Variants in PNLIPRP3 observed in about 807,000 individuals in gnomAD.
The protein encoded by PNLIPRP3 is pancreatic lipase related protein 3, also known as pancreatic lipase-related protein 3.
In PNLIPRP3, 58 loss-of-function variants were observed where a neutral mutation model predicts 52.8. That is an observed-to-expected ratio of 1.10 (90% CI 0.89 to 1.37). The LOEUF (loss-of-function observed/expected upper bound fraction) is 1.37, where lower values mean the gene tolerates loss of function less well. Among genes scored for constraint, PNLIPRP3 ranks in the 40% most tolerant of loss-of-function variants. The probability of loss-of-function intolerance (pLI) is 0.00; values close to 1 mark genes in which losing one functional copy is unlikely to be tolerated. For missense variants in PNLIPRP3, 593 were observed against 561.6 expected (o/e 1.06, Z -0.57); for synonymous variants, 192 against 185.0 (o/e 1.04, Z -0.31).
chr10:116,471,917 G>A, intron 10 of PNLIPRP3, 38 bp downstream of exon 10: 1 of 1,328,950 alleles, frequency 7.5e-7, no homozygotes, highest in Non-Finnish European at 1.1e-6. Context: ...GCACAGTGCT[G>A]GGGGCTCAGT....
At chr10:116,447,749 A>T (rs984313322) in intron 4 of PNLIPRP3, among the ~76,000 whole-genome samples, 5 of 152,202 alleles carry the variant, frequency 3.3e-5, no homozygotes, top group Non-Finnish European at 5.9e-5. Context: ...CAACCTGGTC[A>T]GCATGGTGAA....
chr10:116,433,114 C>A (rs541267418), intron 1 of PNLIPRP3, among the ~76,000 whole-genome samples: 4 of 8,494 alleles, frequency 4.7e-4, no homozygotes, highest in East Asian at 4.6e-3. Flanking sequence ...AACTCCATCT[C>A]AAAAAAAAAA....
chr10:116,454,325 G>T (rs569890917), intron 4 of PNLIPRP3, among the ~76,000 whole-genome samples: 1 of 152,052 alleles, frequency 6.6e-6, no homozygotes, highest in South Asian at 2.1e-4. Context: ...TCACTATGTT[G>T]GTCAGGCTGG....
intron 4 of PNLIPRP3, among the ~76,000 whole-genome samples, chr10:116,445,097 T>A (rs1845924633): frequency 6.6e-6 from 1 of 152,234 alleles, no homozygotes; most frequent in Non-Finnish European, 1.5e-5. Context: ...AGATGCATAA[T>A]CCTTTCAGAT....
intron 2 of PNLIPRP3, among the ~76,000 whole-genome samples, chr10:116,437,744 T>C (rs1444055427): frequency 6.6e-6 from 1 of 152,022 alleles, no homozygotes; most frequent in Non-Finnish European, 1.5e-5. Flanking sequence ...TCCAACATAG[T>C]AGCCACTAGC....
At position 116,436,805 on chromosome 10, in the gene PNLIPRP3, TC is replaced by T. The variant is rs1384151863; in HGVS notation, c.146del (p.Pro49GlnfsTer4). ...STELVGLPWSPEKINTRFLLY... is the reference protein window; with the variant it reads ...STELVGLPWSXEKINTRFLLY... ...CAGAGTTGGTAGGTTTACCCTGGTC[TC>T]CAGAGAAGATAAACACTCGTTTCCT... On this transcript the variant is annotated frameshift_variant, in exon 2 of 12. Transcript: ENST00000369230. LOFTEE classifies it high-confidence loss of function. The T allele has an allele frequency of 1.2e-6, 2 of 1,613,790 alleles. No homozygotes were observed. The highest frequency in any genetic ancestry group is 1.1e-5 in the South Asian group (1 of 91,028).
chr10:116,471,746 C>T (rs749703197), intron 9 of PNLIPRP3, 22 bp from the exon 10 acceptor site: 12 of 1,536,534 alleles, frequency 7.8e-6, no homozygotes, highest in South Asian at 1.1e-5. Context: ...TCTCCCTTTC[C>T]TTCTTGTTTC....
At chr10:116,464,954 T>G (rs1486142092) in intron 7 of PNLIPRP3, among the ~76,000 whole-genome samples, 2 of 152,170 alleles carry the variant, frequency 1.3e-5, no homozygotes, top group African/African-American at 2.4e-5. Flanking sequence ...AGCAGCTCCT[T>G]TGGCACCTGC....
intron 1 of PNLIPRP3, among the ~76,000 whole-genome samples, chr10:116,429,345 C>T (rs1321534329): frequency 1.3e-5 from 2 of 152,150 alleles, no homozygotes; most frequent in Admixed American, 6.6e-5. Context: ...ATCTGAAACA[C>T]TTCTGGTCCC....
intron 2 of PNLIPRP3, among the ~76,000 whole-genome samples, chr10:116,438,818 T>C (rs1564693501): frequency 6.6e-6 from 1 of 152,198 alleles, no homozygotes; most frequent in Non-Finnish European, 1.5e-5. Context: ...GTTCTTACTA[T>C]GGGTATAGAG....
At position 116,477,223 on chromosome 10, in the gene PNLIPRP3, T is replaced by C. The variant is rs905349687; in HGVS notation, c.*70T>C. The C allele has an allele frequency of 3.0e-6, 4 of 1,316,326 alleles. No individual in the cohort carries two copies. In the African/African-American group the frequency reaches 5.9e-5, roughly 19 times the overall value. The allele number at this position is 1,316,326 out of a possible 1,614,324, so 81.5% of individuals were successfully genotyped here. A position where few individuals can be genotyped will look rare whatever the true frequency, so the allele number is the denominator to read the frequency against. ...GAAAAGTGTCTCCTTCCACCTGGCA[T>C]CCAGACCAAATTTGACCCTTGTAAA... is the stretch of plus-strand genomic sequence containing the variant. On this transcript the variant is annotated 3_prime_UTR_variant, in exon 12 of 12. Transcript: ENST00000369230.
chr10:116,471,764 C>T lies in PNLIPRP3; in HGVS notation c.1061-4C>T. 1 of 1,588,032 alleles carries T rather than the reference C, an allele frequency of 6.3e-7. No homozygotes were observed. The highest frequency in any genetic ancestry group is 8.6e-7 in the Non-Finnish European group (1 of 1,157,424). On this transcript the variant is annotated splice_polypyrimidine_tract_variant and splice_region_variant and intron_variant, in intron 9 of 11. Transcript: ENST00000369230. Reference sequence around the variant, plus strand: ...CCCTTTCCTTCTTGTTTCCTTATATCTAGGTTGGAGGCACAAATTGTCTGT... The same window carrying T: ...CCCTTTCCTTCTTGTTTCCTTATATTTAGGTTGGAGGCACAAATTGTCTGT...
intron 10 of PNLIPRP3, among the ~76,000 whole-genome samples, chr10:116,472,904 A>C (rs901296301): frequency 2.0e-5 from 3 of 152,112 alleles, no homozygotes; most frequent in Non-Finnish European, 4.4e-5. Flanking sequence ...CCTGTCTGCT[A>C]TTTTGTTTCT....
At chr10:116,435,334 T>C (rs1239553860) in intron 1 of PNLIPRP3, among the ~76,000 whole-genome samples, 1 of 151,892 alleles carries the variant, frequency 6.6e-6, no homozygotes, top group Non-Finnish European at 1.5e-5. Context: ...AGTCAGTACC[T>C]CTAAAATCTT....
intron 2 of PNLIPRP3, among the ~76,000 whole-genome samples, chr10:116,438,801 G>A (rs1444119781): frequency 2.0e-5 from 3 of 152,054 alleles, no homozygotes; most frequent in African/African-American, 7.2e-5. Flanking sequence ...CTAGAACAAG[G>A]AAAAAAGTTC....
At chr10:116,451,870 C>T (rs1426423068) in intron 4 of PNLIPRP3, among the ~76,000 whole-genome samples, 17 of 152,084 alleles carry the variant, frequency 1.1e-4, no homozygotes, top group Admixed American at 1.1e-3. Context: ...AGGAGCAGGG[C>T]ATTGCTATAA....
intron 2 of PNLIPRP3, among the ~76,000 whole-genome samples, chr10:116,442,184 C>G (rs1845868232): frequency 6.6e-6 from 1 of 152,068 alleles, no homozygotes; most frequent in Admixed American, 6.6e-5. Flanking sequence ...TTTTAAATAA[C>G]AAAATCACTT....
chr10:116,467,237 A>C (rs542610231), intron 8 of PNLIPRP3, among the ~76,000 whole-genome samples: 57 of 152,276 alleles, frequency 3.7e-4, no homozygotes, highest in African/African-American at 1.4e-3. Context: ...CATACAATCA[A>C]AGTGTGTCAG....
chr10:116,441,895 T>G (rs977939129), intron 2 of PNLIPRP3, among the ~76,000 whole-genome samples: 6 of 152,176 alleles, frequency 3.9e-5, no homozygotes, highest in Non-Finnish European at 8.8e-5. Flanking sequence ...AATAGACAGA[T>G]AGGAGTGTTA....
Sources: allele counts gnomAD v4.1 joint callset (sites outside exome capture counted in the v4.1 genomes callset), GRCh38; gene constraint gnomAD v4.1.1; transcripts MANE v1.5; gene names NCBI Gene and HGNC (gene_info 2026-07-23, HGNC 2026-07-21).